Variants in NRXN1 observed in about 807,000 individuals in gnomAD.
NRXN1 encodes neurexin-1.
A neutral mutation model predicts 150.9 loss-of-function variants in NRXN1; 39 were observed. That is an observed-to-expected ratio of 0.26 (90% CI 0.20 to 0.34). The LOEUF is 0.34. Among genes scored for constraint, NRXN1 ranks in the 10% least tolerant of loss-of-function variants. The pLI is 1.00. For missense variants in NRXN1, 1,815 were observed against 1,949.9 expected (o/e 0.93, Z 1.30); for synonymous variants, 924 against 757.0 (o/e 1.22, Z -3.62).
chr2:50,645,856 A>T (rs1214027678), intron 5 of NRXN1, among the ~76,000 whole-genome samples: 1 of 151,962 alleles, frequency 6.6e-6, no homozygotes, highest in Non-Finnish European at 1.5e-5. Flanking sequence ...TCTTTACATG[A>T]TTCCCAGTCT....
At chr2:51,006,778 T>G (rs1419934614) in intron 2 of NRXN1, among the ~76,000 whole-genome samples, 1 of 151,890 alleles carries the variant, frequency 6.6e-6, no homozygotes, top group South Asian at 2.1e-4. Flanking sequence ...AATGAGTAAG[T>G]GTCTTTTTGC....
At position 50,930,272 on chromosome 2, in the gene NRXN1, T is replaced by C. The variant is rs1347899144; in HGVS notation, c.773-4317A>G. Among the ~76,000 whole-genome samples the C allele has an allele frequency of 2.6e-5, 4 of 152,078 alleles. No homozygotes were observed. In the East Asian group the frequency reaches 7.7e-4, roughly 29 times the overall value. On this transcript the variant is annotated intron_variant, in intron 2 of 22. Transcript: ENST00000401669. Reference sequence around the variant, plus strand: ...TGCAGCAACACAGATGTTCCTGGCATCACACTAGAAACACTTAAAACAATT... The same window carrying C: ...TGCAGCAACACAGATGTTCCTGGCACCACACTAGAAACACTTAAAACAATT...
At chr2:50,822,280 A>T (rs1669844314) in intron 5 of NRXN1, among the ~76,000 whole-genome samples, 1 of 152,158 alleles carries the variant, frequency 6.6e-6, no homozygotes, top group South Asian at 2.1e-4. Context: ...TTCTCTCAGT[A>T]TCTAAAACAA....
At chr2:50,159,489 T>C (rs970784) in intron 18 of NRXN1, among the ~76,000 whole-genome samples, 88,230 of 152,046 alleles carry the variant, frequency 0.58, 26,052 homozygotes, top group Middle Eastern at 0.66. Flanking sequence ...TCAATTTGTA[T>C]TGCAATCAAT....
chr2:50,650,035 A>C (rs1274428269), intron 5 of NRXN1, among the ~76,000 whole-genome samples: 1 of 151,982 alleles, frequency 6.6e-6, no homozygotes, highest in Non-Finnish European at 1.5e-5. Context: ...TATTTTACCA[A>C]TTCCAATTCA....
At chr2:50,835,589 G>C (rs1470600741) in intron 5 of NRXN1, among the ~76,000 whole-genome samples, 1 of 152,108 alleles carries the variant, frequency 6.6e-6, no homozygotes, top group Non-Finnish European at 1.5e-5. Flanking sequence ...CATTTGCTTT[G>C]AGAATATTAA....
chr2:50,409,257 A>G (rs916315495), intron 17 of NRXN1, among the ~76,000 whole-genome samples: 2 of 152,308 alleles, frequency 1.3e-5, no homozygotes, highest in Non-Finnish European at 2.9e-5. Flanking sequence ...ATCAAATACC[A>G]TTTACCCCAC....
intron 5 of NRXN1, among the ~76,000 whole-genome samples, chr2:50,829,226 AGGGAGAGGGAGACCGTG>A (rs1435884359): frequency 4.3e-4 from 65 of 150,674 alleles, no homozygotes; most frequent in East Asian, 8.0e-4. Context: ...GTGGAAAGAG[AGGGAGAGGGAGACCGTG>A]GGGAGAGGGA....
chr2:49,996,703 G>C (rs1029190658), intron 21 of NRXN1, among the ~76,000 whole-genome samples: 1 of 152,108 alleles, frequency 6.6e-6, no homozygotes, highest in Non-Finnish European at 1.5e-5. Context: ...GTGGCTTCTA[G>C]AAAATGAAAA....
rs548804477 is a variant in NRXN1 at position 50,631,042 on chromosome 2, G to T, written c.833-7427C>A. 1.1e-4 allele frequency: 46 copies of T among 418,386 alleles called. No homozygotes were observed. In the Admixed American group the frequency reaches 1.4e-3, roughly 13 times the overall value. The allele number at this position is 418,386 out of a possible 1,614,324, so 25.9% of individuals were successfully genotyped here. ...AATTTACTATTATCTTATTTGCCAC[G>T]AACTGTGTAACTGAGAAATTAAAAC... On this transcript the variant is annotated intron_variant, in intron 5 of 22. Coordinates refer to ENST00000401669, the MANE Select transcript of NRXN1 (RefSeq NM_001330078.2).
chr2:50,670,589 A>G (rs764644246), intron 5 of NRXN1, among the ~76,000 whole-genome samples: 5 of 151,914 alleles, frequency 3.3e-5, no homozygotes, highest in Admixed American at 6.6e-5. Flanking sequence ...TCACCAAATT[A>G]CAGACTTTAT....
At chr2:50,477,931 T>C (rs1156730241) in intron 15 of NRXN1, among the ~76,000 whole-genome samples, 1 of 152,144 alleles carries the variant, frequency 6.6e-6, no homozygotes, top group South Asian at 2.1e-4. Flanking sequence ...CTTATTGTGA[T>C]TGGATGGTAA....
At chr2:50,184,356 A>G (rs1231036013) in intron 18 of NRXN1, among the ~76,000 whole-genome samples, 1 of 152,038 alleles carries the variant, frequency 6.6e-6, no homozygotes, top group African/African-American at 2.4e-5. Flanking sequence ...TTGAATGTCT[A>G]CTCAGTCATT....
intron 5 of NRXN1, among the ~76,000 whole-genome samples, chr2:50,773,696 T>C (rs555190672): frequency 6.6e-6 from 1 of 152,164 alleles, no homozygotes; most frequent in South Asian, 2.1e-4. Flanking sequence ...TTTTTTGACC[T>C]CAAAATCCAG....
At chr2:50,643,723 T>A (rs1684392653) in intron 5 of NRXN1, among the ~76,000 whole-genome samples, 1 of 151,878 alleles carries the variant, frequency 6.6e-6, no homozygotes, top group Non-Finnish European at 1.5e-5. Flanking sequence ...TTACATCGAT[T>A]TCTAGACTCC....
chr2:50,373,769 G>A (rs995920159), intron 17 of NRXN1, among the ~76,000 whole-genome samples: 1 of 151,992 alleles, frequency 6.6e-6, no homozygotes, highest in Non-Finnish European at 1.5e-5. Flanking sequence ...AGAATCCTGG[G>A]GAGTAGGGGT....
At chr2:50,499,942 C>A in intron 13 of NRXN1, among the ~76,000 whole-genome samples, 1 of 115,662 alleles carries the variant, frequency 8.6e-6, no homozygotes, top group East Asian at 2.6e-4. Context: ...AGCAAGACTC[C>A]ATCTCAAAAA....
chr2:50,976,916 T>C (rs1695935091), intron 2 of NRXN1, among the ~76,000 whole-genome samples: 1 of 152,032 alleles, frequency 6.6e-6, no homozygotes, highest in African/African-American at 2.4e-5. Context: ...CCTTCAGAAA[T>C]TGAAAACAAT....
chr2:50,961,389 G>GA (rs1033513984), intron 2 of NRXN1, among the ~76,000 whole-genome samples: 2 of 150,500 alleles, frequency 1.3e-5, no homozygotes, highest in Non-Finnish European at 3.0e-5. Flanking sequence ...CTAACCACTA[G>GA]AAAAAAAAGG....
Sources: allele counts gnomAD v4.1 joint callset (sites outside exome capture counted in the v4.1 genomes callset), GRCh38; gene constraint gnomAD v4.1.1; transcripts MANE v1.5; gene names NCBI Gene and HGNC (gene_info 2026-07-23, HGNC 2026-07-21).